Variants in ADAMTS8 observed in about 807,000 individuals in gnomAD.
The protein encoded by ADAMTS8 is ADAM metallopeptidase with thrombospondin type 1 motif 8, also known as A disintegrin and metalloproteinase with thrombospondin motifs 8.
Under a neutral mutation model 64.4 loss-of-function variants are expected in ADAMTS8, and 50 were observed. The observed-to-expected ratio is 0.78, with a 90% confidence interval of 0.62 to 0.98. ADAMTS8 has a LOEUF of 0.98. Among genes scored for constraint, ADAMTS8 ranks in the 50% least tolerant of loss-of-function variants. The pLI, the probability that ADAMTS8 is intolerant of heterozygous loss-of-function variation, is 0.00. For missense variants in ADAMTS8, 1,192 were observed against 1,208.2 expected (o/e 0.99, Z 0.20); for synonymous variants, 556 against 533.6 (o/e 1.04, Z -0.58).
At chr11:130,414,406 G>C in intron 5 of ADAMTS8, 125 bp downstream of exon 5, 1 of 1,230,684 alleles carries the variant, frequency 8.1e-7, no homozygotes, top group Non-Finnish European at 1.1e-6. Context: ...GAGCCGCTCT[G>C]CCTGGCTGTC....
chr11:130,420,960 A>G (rs746695858), intron 1 of ADAMTS8, among the ~76,000 whole-genome samples: 2 of 152,074 alleles, frequency 1.3e-5, no homozygotes, highest in Non-Finnish European at 2.9e-5. Context: ...TCTCTCTAAG[A>G]AGGACCAGGG....
chr11:130,415,489 G>A (rs1315333498), intron 4 of ADAMTS8, among the ~76,000 whole-genome samples: 1 of 151,728 alleles, frequency 6.6e-6, no homozygotes, highest in African/African-American at 2.4e-5. Context: ...ATCTTTAGTA[G>A]AGATGGGGTT....
intron 2 of ADAMTS8, among the ~76,000 whole-genome samples, 179 bp from the exon 3 acceptor site, chr11:130,417,254 T>A (rs878942077): frequency 2.8e-5 from 4 of 142,138 alleles, no homozygotes; most frequent in South Asian, 2.3e-4. Context: ...ATTAAATTAT[T>A]ATTATTATTA....
rs182291727 is a variant in ADAMTS8, at chr11:130,425,757, C to T, written c.720+1810G>A. Reference sequence around the variant, plus strand: ...CTGGGACTACAGGCGCCCACCACCACGCCTGGCTATTTTTTTTGTATTTTT... The same window carrying T: ...CTGGGACTACAGGCGCCCACCACCATGCCTGGCTATTTTTTTTGTATTTTT... On this transcript the variant is annotated intron_variant, in intron 1 of 8. Coordinates refer to ENST00000257359, the MANE Select transcript of ADAMTS8 (RefSeq NM_007037.6). 9.9e-4 allele frequency among the ~76,000 whole-genome samples: 151 copies of T among 152,204 alleles called. 4 individuals carry two copies. The East Asian group carries it at 0.023, about 23-fold the overall frequency.
chr11:130,415,414 C>T (rs1421868123), intron 4 of ADAMTS8, among the ~76,000 whole-genome samples: 1 of 152,070 alleles, frequency 6.6e-6, no homozygotes, highest in African/African-American at 2.4e-5. Context: ...AGCGATTCTT[C>T]TGCCTCAGCC....
Position 130,405,582 on chromosome 11 carries a change from G to A in ADAMTS8, c.2646C>T (p.Cys882=), listed in dbSNP as rs35281339. 2,500 of 1,607,068 alleles carry A rather than the reference G, an allele frequency of 1.6e-3. 27 individuals carry two copies. In the African/African-American group the frequency reaches 0.026, roughly 17 times the overall value. Residue 882 remains cysteine (C), a synonymous_variant, in exon 9 of 9, where the codon TGC becomes TGT. Transcript: ENST00000257359. ...KALKPEDAKP[C]ESQLCPL is the part of the protein sequence containing the mutation. ...ATCACAGGGGGCACAGCTGGCTTTC[G>A]CAGGGCTTGGCATCCTCGGGTTTCA...
rs548681982 is a variant in ADAMTS8 at position 130,405,781 on chromosome 11, A to C, written c.2447T>G (p.Met816Arg). The change falls in exon 9 of 9, where the codon ATG becomes AGG. Residue 816 changes from methionine (M) to arginine (R), a missense_variant. Met to Arg is a moderately conservative substitution (Grantham distance 91). Transcript: ENST00000257359. ...GGTTGCTCTCTCTTTGCTGCTCTGC[A>C]TGCTAAAGTCCACGTCATTAGGAAC... ...FFVPNDVDFS[M>R]QSSKERATTN... is the part of the protein sequence containing the mutation. 1 of 1,614,150 alleles carries C rather than the reference A, an allele frequency of 6.2e-7. No homozygotes were observed. The highest frequency in any genetic ancestry group is 2.2e-5 in the East Asian group (1 of 44,884).
rs150906283 is a variant in ADAMTS8 at position 130,416,932 on chromosome 11, A to T, written c.1096+8T>A. On this transcript the variant is annotated splice_region_variant and intron_variant, in intron 3 of 8. Coordinates refer to ENST00000257359, the MANE Select transcript of ADAMTS8 (RefSeq NM_007037.6). This position sits in a 1 kb window ranked among gnomAD's most constrained non-coding sequence, Gnocchi z 4.8. Reference sequence around the variant, plus strand: ...TGGTGAAGTGGGCTTTGGCACAGCAAATCTTACCTAGTTCATGGGCCAGGG... The same window carrying T: ...TGGTGAAGTGGGCTTTGGCACAGCATATCTTACCTAGTTCATGGGCCAGGG... The T allele has an allele frequency of 1.3e-3, 2,048 of 1,614,056 alleles. 25 individuals carry two copies. The East Asian group carries it at 0.022, about 17-fold the overall frequency.
rs765738073 is a variant in ADAMTS8, at chr11:130,411,465, G to A, written c.1702C>T (p.Arg568Trp). 39 of 1,614,122 alleles carry A rather than the reference G, an allele frequency of 2.4e-5. No homozygotes were observed. Among genetic ancestry groups the A allele is most frequent in the Middle Eastern group, 1.6e-4 (1 of 6,062 alleles). ...TGGCATGACTGGTACTTGGCTCTCCGACCCAGGCAGTATCTTCCTCCATTC... is the reference window on the plus strand; with the variant it reads ...TGGCATGACTGGTACTTGGCTCTCCAACCCAGGCAGTATCTTCCTCCATTC... ...PQNGGRYCLG[R>W]RAKYQSCHTE... The change falls in exon 6 of 9, where the codon CGG (arginine) becomes TGG (tryptophan). Residue 568 changes from arginine (R) to tryptophan (W), a missense_variant. Transcript: ENST00000257359. The surrounding 1 kb of genome is among the most constrained non-coding windows in gnomAD (Gnocchi z 4.2).
chr11:130,427,595 A>G lies in ADAMTS8; in HGVS notation c.692T>C (p.Met231Thr), dbSNP rs61757481. ...VETLLVADAS[M>T]AAFYGADLQN... ...CAGGTCGGCCCCGTAGAAGGCAGCC[A>G]TGGACGCATCGGCCACCAGCAGCGT... Residue 231 changes from methionine to threonine, a missense_variant, in exon 1 of 9, where the codon ATG becomes ACG. This residue lies in a region of ADAMTS8 where 741 missense variants were observed against 710.6 expected (regional missense o/e 1.04). Coordinates refer to ENST00000257359, the MANE Select transcript of ADAMTS8 (RefSeq NM_007037.6). 3.2e-6 allele frequency: 5 copies of G among 1,542,624 alleles called. No homozygotes were observed. Among genetic ancestry groups the G allele is most frequent in the Non-Finnish European group, 4.4e-6 (5 of 1,147,742 alleles).
At chr11:130,424,055 G>A (rs1341389824) in intron 1 of ADAMTS8, among the ~76,000 whole-genome samples, 1 of 152,188 alleles carries the variant, frequency 6.6e-6, no homozygotes, top group African/African-American at 2.4e-5. Context: ...CAGCCTCCAC[G>A]GCGGTTTCTT....
At chr11:130,412,684 T>G (rs1565375229) in intron 5 of ADAMTS8, among the ~76,000 whole-genome samples, 1 of 152,124 alleles carries the variant, frequency 6.6e-6, no homozygotes. Flanking sequence ...AAAAAGAAAT[T>G]AACACTTCTT....
chr11:130,419,456 A>T (rs893878576), intron 1 of ADAMTS8, among the ~76,000 whole-genome samples, 164 bp from the exon 2 acceptor site: 1 of 152,156 alleles, frequency 6.6e-6, no homozygotes, highest in Admixed American at 6.5e-5. Flanking sequence ...TTCATTTTGC[A>T]TGTGAGAAAA....
At chr11:130,423,066 C>T (rs1022028642) in intron 1 of ADAMTS8, among the ~76,000 whole-genome samples, 7 of 152,306 alleles carry the variant, frequency 4.6e-5, no homozygotes, top group South Asian at 2.1e-4. Flanking sequence ...TACATTATTT[C>T]GATTTCATTC....
At position 130,416,228 on chromosome 11, in the gene ADAMTS8, T is replaced by G. The variant is rs1486991136; in HGVS notation, c.1199A>C (p.Asn400Thr). The G allele has an allele frequency of 6.3e-7, 1 of 1,594,548 alleles. No individual in the cohort carries two copies. The highest frequency in any genetic ancestry group is 8.5e-7 in the Non-Finnish European group (1 of 1,171,264). ...GCAGGGGGACCAGGGCAGCGTCTGG[T>G]TCAGGTGGACGAACAGCGGTGCCAT... ...HVMAPLFVHLNQTLPWSPCSA... is the reference protein window; with the variant it reads ...HVMAPLFVHLTQTLPWSPCSA... Residue 400 changes from asparagine (N) to threonine (T), a missense_variant, in exon 4 of 9, where the codon AAC becomes ACC. Physicochemically the swap from Asn to Thr is moderately conservative, Grantham distance 65. This residue lies in a region of ADAMTS8 where 741 missense variants were observed against 710.6 expected (regional missense o/e 1.04). Transcript: ENST00000257359. This position sits in a 1 kb window ranked among gnomAD's most constrained non-coding sequence, Gnocchi z 4.8.
At chr11:130,408,672 G>A (rs368718132) in intron 7 of ADAMTS8, 33 bp from the exon 8 acceptor site, 46 of 1,613,014 alleles carry the variant, frequency 2.9e-5, no homozygotes, top group African/African-American at 2.3e-4. Flanking sequence ...GAGGGAGGGC[G>A]TGTTGAGCAC....
Position 130,416,097 on chromosome 11 carries a change from T to G in ADAMTS8, c.1264+66A>C. The G allele has an allele frequency of 6.8e-7, 1 of 1,465,930 alleles. No homozygotes were observed. Among genetic ancestry groups the G allele is most frequent in the South Asian group, 1.4e-5 (1 of 72,964 alleles). 90.8% of individuals were successfully genotyped at this position (1,465,930 alleles called of 1,614,324 possible). On this transcript the variant is annotated intron_variant, in intron 4 of 8. Coordinates refer to ENST00000257359, the MANE Select transcript of ADAMTS8 (RefSeq NM_007037.6). This position sits in a 1 kb window ranked among gnomAD's most constrained non-coding sequence, Gnocchi z 4.8. ...TGTGAGGAGGCACAGCTGGAGGGGG[T>G]CTCTGCGCCAGCACCAGTGGAAGGA...
At chr11:130,423,395 G>T (rs377300636) in intron 1 of ADAMTS8, among the ~76,000 whole-genome samples, 2 of 152,158 alleles carry the variant, frequency 1.3e-5, no homozygotes, top group Non-Finnish European at 2.9e-5. Context: ...CACAGAGCAG[G>T]GGGGGGCATG....
At chr11:130,407,431 G>A (rs543417833) in intron 8 of ADAMTS8, among the ~76,000 whole-genome samples, 2 of 152,086 alleles carry the variant, frequency 1.3e-5, no homozygotes, top group African/African-American at 4.8e-5. Flanking sequence ...GGCTGATTCT[G>A]TTCTCTCAGA....
Sources: gnomAD v4.1 joint callset for allele counts (sites outside exome capture counted in the v4.1 genomes callset) on GRCh38, gnomAD v4.1.1 for gene constraint, gnomAD v4.1.1 regional missense constraint, Gnocchi (gnomAD v3.1) non-coding constraint, MANE v1.5 for transcripts, NCBI Gene and HGNC (gene_info 2026-07-23, HGNC 2026-07-21) for gene names.